Variants in TMEFF1 observed in about 807,000 individuals in gnomAD.
TMEFF1 encodes transmembrane protein with EGF like and two follistatin like domains 1.
In TMEFF1, 20 loss-of-function variants were observed where a neutral mutation model predicts 47.5. That is an observed-to-expected ratio of 0.42 (90% CI 0.30 to 0.61). The LOEUF is 0.61. Among genes scored for constraint, TMEFF1 ranks in the 20% least tolerant of loss-of-function variants. The pLI, the probability that TMEFF1 is intolerant of heterozygous loss-of-function variation, is 0.19. For missense variants in TMEFF1, 411 were observed against 471.1 expected (o/e 0.87, Z 1.18); for synonymous variants, 162 against 166.3 (o/e 0.97, Z 0.20).
At chr9:100,547,050 C>G (rs1415830056) in intron 5 of TMEFF1, among the ~76,000 whole-genome samples, 1 of 152,192 alleles carries the variant, frequency 6.6e-6, no homozygotes, top group Admixed American at 6.5e-5. Context: ...GGGTCTCACT[C>G]TGTCCCCCAG....
intron 4 of TMEFF1, among the ~76,000 whole-genome samples, chr9:100,514,700 A>C (rs931827123): frequency 7.9e-5 from 12 of 151,784 alleles, no homozygotes; most frequent in Admixed American, 7.2e-4. Context: ...CAAAAAAAAA[A>C]AAAAAAACAA....
In TMEFF1 at chr9:100,576,746, G is replaced by A. The variant is rs191884518; in HGVS notation, c.*146G>A. 3.9e-5 allele frequency: 36 copies of A among 934,892 alleles called. No individual in the cohort carries two copies. Among genetic ancestry groups the A allele is most frequent in the Non-Finnish European group, 5.3e-5 (34 of 644,532 alleles). 57.9% of individuals were successfully genotyped at this position (934,892 alleles called of 1,614,324 possible). On this transcript the variant is annotated 3_prime_UTR_variant, in exon 10 of 10. Transcript: ENST00000374879. ...GCTCGTATTTAGAATATTCAGCTAC[G>A]ACAGTTTTGGACTGTTTAGTAGTCT...
chr9:100,505,410 C>T (rs1457431615), intron 2 of TMEFF1, among the ~76,000 whole-genome samples: 1 of 26,430 alleles, frequency 3.8e-5, no homozygotes, highest in Non-Finnish European at 6.1e-5. Flanking sequence ...GACCCTGTCT[C>T]AAAAAAAAAA....
chr9:100,546,191 C>T (rs116325420), intron 5 of TMEFF1, among the ~76,000 whole-genome samples: 3,246 of 152,180 alleles, frequency 0.021, 97 homozygotes, highest in African/African-American at 0.074. Flanking sequence ...AAGATATACC[C>T]GAGACTGGGC....
At chr9:100,498,986 T>C (rs888703160) in intron 2 of TMEFF1, 112 bp downstream of exon 2, 2 of 1,069,514 alleles carry the variant, frequency 1.9e-6, no homozygotes, top group South Asian at 3.2e-5. Flanking sequence ...GAAATTGGGG[T>C]CACAGCCCCT....
At chr9:100,527,846 A>T (rs1214869960) in intron 5 of TMEFF1, among the ~76,000 whole-genome samples, 3 of 152,242 alleles carry the variant, frequency 2.0e-5, no homozygotes, top group Admixed American at 6.5e-5. Context: ...TCCCCGTCTG[A>T]CAGCTTTGAC....
At chr9:100,570,473 G>A (rs921148855) in intron 8 of TMEFF1, among the ~76,000 whole-genome samples, 1 of 152,138 alleles carries the variant, frequency 6.6e-6, no homozygotes, top group African/African-American at 2.4e-5. Context: ...ACACGAGGAA[G>A]AGGTCTAGCT....
intron 7 of TMEFF1, among the ~76,000 whole-genome samples, chr9:100,558,917 C>T (rs1838965331): frequency 6.6e-6 from 1 of 152,056 alleles, no homozygotes; most frequent in African/African-American, 2.4e-5. Flanking sequence ...AAGTAGACAT[C>T]ACTGTCATCT....
chr9:100,498,746 C>G lies in TMEFF1; in HGVS notation c.197-19C>G. The G allele has an allele frequency of 6.2e-7, 1 of 1,610,780 alleles. No homozygotes were observed. Among genetic ancestry groups the G allele is most frequent in the Non-Finnish European group, 8.5e-7 (1 of 1,178,888 alleles). ...TAAAAAGCCAAATATATATGTCAAA[C>G]AATTTTTTTCTTTTGCAGAATTAAA... On this transcript the variant is annotated intron_variant, in intron 1 of 9. Coordinates refer to ENST00000374879, the MANE Select transcript of TMEFF1 (RefSeq NM_003692.5).
intron 2 of TMEFF1, among the ~76,000 whole-genome samples, chr9:100,500,798 CAT>C (rs929604921): frequency 1.3e-5 from 2 of 152,122 alleles, no homozygotes; most frequent in Admixed American, 6.5e-5. Flanking sequence ...CATTGTGAAT[CAT>C]ATGTTTTAGA....
intron 5 of TMEFF1, among the ~76,000 whole-genome samples, chr9:100,520,268 C>T (rs752951591): frequency 2.0e-5 from 3 of 152,078 alleles, no homozygotes; most frequent in Non-Finnish European, 4.4e-5. Context: ...GCCATGATTG[C>T]GCCACTGTGC....
chr9:100,541,438 A>G (rs1587846414), intron 5 of TMEFF1, among the ~76,000 whole-genome samples: 1 of 127,544 alleles, frequency 7.8e-6, no homozygotes. Context: ...CAGTGGCGCT[A>G]TCTTGGCTCA....
At chr9:100,489,470 C>T (rs142876119) in intron 1 of TMEFF1, among the ~76,000 whole-genome samples, 1,593 of 152,250 alleles carry the variant, frequency 0.01, 64 homozygotes, top group Admixed American at 0.066. Flanking sequence ...GGATTACAGG[C>T]GTGAGGCACT....
At chr9:100,551,451 G>A (rs1289716084) in intron 7 of TMEFF1, among the ~76,000 whole-genome samples, 1 of 152,120 alleles carries the variant, frequency 6.6e-6, no homozygotes, top group Admixed American at 6.6e-5. Flanking sequence ...TATTCTCGTA[G>A]GAGACAAAAT....
At chr9:100,534,280 C>G (rs1039413558) in intron 5 of TMEFF1, among the ~76,000 whole-genome samples, 1 of 152,302 alleles carries the variant, frequency 6.6e-6, no homozygotes, top group East Asian at 1.9e-4. Context: ...AAACACTGGT[C>G]TCAGCCCCTC....
At chr9:100,543,704 A>AAAACACACACACAC (rs1038685574) in intron 5 of TMEFF1, among the ~76,000 whole-genome samples, 3 of 138,824 alleles carry the variant, frequency 2.2e-5, no homozygotes, top group Admixed American at 7.3e-5. Context: ...GATGAAGTAA[A>AAAACACACACACAC]ACACACACAC....
intron 9 of TMEFF1, among the ~76,000 whole-genome samples, chr9:100,574,512 C>T (rs750930292): frequency 6.6e-6 from 1 of 152,050 alleles, no homozygotes; most frequent in African/African-American, 2.4e-5. Context: ...GCTGAGACTA[C>T]AGGCATGCGC....
At chr9:100,474,702 T>G (rs1216693808) in intron 1 of TMEFF1, among the ~76,000 whole-genome samples, 3 of 151,622 alleles carry the variant, frequency 2.0e-5, no homozygotes, top group Admixed American at 6.6e-5. Flanking sequence ...AGGGAAGATG[T>G]CGTGCCTGTG....
chr9:100,481,813 A>C (rs1288564388), intron 1 of TMEFF1, among the ~76,000 whole-genome samples: 2 of 152,014 alleles, frequency 1.3e-5, no homozygotes, highest in African/African-American at 4.8e-5. Flanking sequence ...GACGGAGTCT[A>C]GCTCTGTCAC....
Sources: gnomAD v4.1 joint callset for allele counts (sites outside exome capture counted in the v4.1 genomes callset) on GRCh38, gnomAD v4.1.1 for gene constraint, MANE v1.5 for transcripts, NCBI Gene and HGNC (gene_info 2026-07-23, HGNC 2026-07-21) for gene names.